The following BRCA1 variants were observed in gnomAD, a reference collection of about 807,000 sequenced individuals.
The protein encoded by BRCA1 is BRCA1 DNA repair associated.
BRCA1 carries 140 observed loss-of-function variants against 173.7 expected under a neutral mutation model. That is an observed-to-expected ratio of 0.81 (90% CI 0.70 to 0.93). The LOEUF (loss-of-function observed/expected upper bound fraction) is 0.93. Among genes scored for constraint, BRCA1 ranks in the 40% least tolerant of loss-of-function variants. The probability of loss-of-function intolerance (pLI) is 0.00; values close to 1 mark genes in which losing one functional copy is unlikely to be tolerated. For synonymous variants in BRCA1, 662 were observed against 756.0 expected (o/e 0.88, Z 2.04); for missense variants, 1,983 against 2,172.5 (o/e 0.91, Z 1.73).
intron 1 of BRCA1, chr17:43,166,154 GTCTCTCTCTC>G (rs779241654): frequency 7.1e-6 from 1 of 140,540 alleles, no homozygotes; most frequent in African/African-American, 2.6e-5. Context: ...GTGTGTGTGT[GTCTCTCTCTC>G]TCTCTCTCTC....
At chr17:43,066,700 C>G (rs931934074) in intron 16 of BRCA1, among the ~76,000 whole-genome samples, 1 of 151,498 alleles carries the variant, frequency 6.6e-6, no homozygotes, top group Non-Finnish European at 1.5e-5. Context: ...CGAGCCACCG[C>G]GTCCAGCTGC....
At chr17:43,097,133 T>C in intron 8 of BRCA1, 111 bp downstream of exon 8, 1 of 1,141,952 alleles carries the variant, frequency 8.8e-7, no homozygotes, top group Non-Finnish European at 1.3e-6. Context: ...CATACATCCC[T>C]GAACCTAAAA....
chr17:43,131,250 C>T, intron 1 of BRCA1: 1 of 366,772 alleles, frequency 2.7e-6, no homozygotes, highest in Non-Finnish European at 5.9e-6. Flanking sequence ...AATAAAATAC[C>T]TGGATGAGGA....
intron 12 of BRCA1, among the ~76,000 whole-genome samples, chr17:43,078,666 G>A (rs1275062790): frequency 6.6e-6 from 1 of 152,070 alleles, no homozygotes; most frequent in Non-Finnish European, 1.5e-5. Context: ...GGTAGCCTGG[G>A]GGGAAATAAT....
Position 43,125,214 on chromosome 17 carries a change from C to T in BRCA1, c.-20+57G>A, listed in dbSNP as rs556032779. Reference sequence around the variant, plus strand: ...TCAGCTTCGGAAATCCACTCTCCCACGCCAGTACCCCAGAGCATCACTTGG... The same window carrying T: ...TCAGCTTCGGAAATCCACTCTCCCATGCCAGTACCCCAGAGCATCACTTGG... On this transcript the variant is annotated intron_variant, in intron 1 of 22. Coordinates refer to ENST00000357654, the MANE Select transcript of BRCA1 (RefSeq NM_007294.4). 2.6e-5 allele frequency: 12 copies of T among 455,924 alleles called. No individual in the cohort carries two copies. The highest frequency in any genetic ancestry group is 4.0e-5 in the African/African-American group (2 of 50,020). The allele number at this position is 455,924 out of a possible 1,614,324, so 28.2% of individuals were successfully genotyped here.
At chr17:43,072,103 A>C (rs2052474788) in intron 14 of BRCA1, among the ~76,000 whole-genome samples, 1 of 151,992 alleles carries the variant, frequency 6.6e-6, no homozygotes, top group South Asian at 2.1e-4. Flanking sequence ...GAATAAGAGT[A>C]CAGGCCGGGT....
At chr17:43,054,301 G>GT (rs1318238266) in intron 19 of BRCA1, among the ~76,000 whole-genome samples, 4 of 152,194 alleles carry the variant, frequency 2.6e-5, no homozygotes, top group African/African-American at 9.6e-5. Context: ...GGCTCAGAAG[G>GT]TAAAAACAGG....
Position 43,067,640 on chromosome 17 carries a change from G to A in BRCA1, c.5042C>T (p.Thr1681Ile), listed in dbSNP as rs766784305. 2.5e-6 allele frequency: 4 copies of A among 1,613,144 alleles called. No individual in the cohort carries two copies. The highest frequency in any genetic ancestry group is 2.2e-5 in the South Asian group (2 of 91,062). ...CATAACAACATGAGTAGTCTCTTCA[G>A]TAATTAGATTAGTTAAAGTGATGTG... ...KHHITLTNLITEETTHVVMKT... is the reference protein window; with the variant it reads ...KHHITLTNLIIEETTHVVMKT... The change falls in exon 16 of 23, where the codon ACT becomes ATT. Residue 1681 changes from threonine (T) to isoleucine (I), a missense_variant. Coordinates refer to ENST00000357654, the MANE Select transcript of BRCA1 (RefSeq NM_007294.4).
chr17:43,062,894 A>AT (rs544103365), intron 18 of BRCA1, among the ~76,000 whole-genome samples: 10 of 148,236 alleles, frequency 6.7e-5, no homozygotes, highest in East Asian at 2.0e-4. Context: ...ACTGCACCCG[A>AT]TTTTTTTTTT....
chr17:43,068,850 T>C (rs1464399303), intron 15 of BRCA1, among the ~76,000 whole-genome samples: 2 of 152,228 alleles, frequency 1.3e-5, no homozygotes, highest in African/African-American at 4.8e-5. Context: ...TAGAAGGGGT[T>C]CATGTTCTTC....
Position 43,093,820 on chromosome 17 carries a change from T to C in BRCA1, c.1711A>G (p.Ile571Val), listed in dbSNP as rs1310719199. Residue 571 changes from isoleucine (I) to valine (V), a missense_variant, in exon 10 of 23, where the codon ATA (isoleucine) becomes GTA (valine). Ile to Val is a conservative substitution (Grantham distance 29, BLOSUM62 3). Coordinates refer to ENST00000357654, the MANE Select transcript of BRCA1 (RefSeq NM_007294.4). ...GCAGATTCTTTTTCGAGTGATTCTA[T>C]TGGGTTAGGATTTTTCTCATTCTGA... ...SIQNEKNPNP[I>V]ESLEKESAFK... The C allele has an allele frequency of 9.9e-6, 16 of 1,613,654 alleles. No individual in the cohort carries two copies. Among genetic ancestry groups the C allele is most frequent in the Non-Finnish European group, 1.3e-5 (15 of 1,179,932 alleles).
At chr17:43,127,541 A>T (rs2055921279), upstream of BRCA1, among the ~76,000 whole-genome samples, 1 of 152,108 alleles carries the variant, frequency 6.6e-6, no homozygotes, top group African/African-American at 2.4e-5. Flanking sequence ...GTGTCTAGCA[A>T]ATGTAGTGGG....
chr17:43,074,214 TA>T, intron 14 of BRCA1, 116 bp downstream of exon 14: 1 of 1,009,120 alleles, frequency 9.9e-7, no homozygotes, highest in Non-Finnish European at 1.5e-6. Context: ...TAATTAAGTA[TA>T]ACAAAAGTGT....
At chr17:43,052,746 G>C (rs1233675604) in intron 19 of BRCA1, among the ~76,000 whole-genome samples, 2 of 149,734 alleles carry the variant, frequency 1.3e-5, no homozygotes, top group African/African-American at 4.9e-5. Flanking sequence ...TTTAGAAAGT[G>C]GTCACCCTCC....
chr17:43,155,417 GAC>G (rs1193873953), intron 1 of BRCA1, among the ~76,000 whole-genome samples: 2 of 152,156 alleles, frequency 1.3e-5, no homozygotes, highest in African/African-American at 4.8e-5. Context: ...TTTTTATAGA[GAC>G]AGGATCTCAC....
intron 16 of BRCA1, among the ~76,000 whole-genome samples, chr17:43,066,680 A>G (rs2052086168): frequency 6.6e-6 from 1 of 151,428 alleles, no homozygotes; most frequent in Non-Finnish European, 1.5e-5. Context: ...AAGTGCTGGG[A>G]TTACTGATGC....
intron 1 of BRCA1, among the ~76,000 whole-genome samples, chr17:43,153,040 T>A (rs2056173058): frequency 6.6e-6 from 1 of 151,778 alleles, no homozygotes; most frequent in African/African-American, 2.4e-5. Flanking sequence ...GTCTCAAAAA[T>A]AATAATAATA....
chr17:43,149,265 GTTT>G (rs57452879), intron 1 of BRCA1, among the ~76,000 whole-genome samples: 24 of 116,910 alleles, frequency 2.1e-4, no homozygotes, highest in African/African-American at 4.7e-4. Flanking sequence ...CACCGGGCTA[GTTT>G]TTTTTTTTTT....
At chr17:43,169,838 A>C (rs1407390847) in intron 1 of BRCA1, 3 of 305,706 alleles carry the variant, frequency 9.8e-6, no homozygotes, top group Non-Finnish European at 1.9e-5. Context: ...TCCCCCGTCC[A>C]GAACGTCTCA....
Sources: gnomAD v4.1 joint callset for allele counts (sites outside exome capture counted in the v4.1 genomes callset) on GRCh38, gnomAD v4.1.1 for gene constraint, MANE v1.5 for transcripts, NCBI Gene and HGNC (gene_info 2026-07-23, HGNC 2026-07-21) for gene names.